PITPNB: variants seen among roughly 807,000 people sequenced by gnomAD.
PITPNB encodes the protein phosphatidylinositol transfer protein beta, also known as phosphatidylinositol transfer protein beta isoform.
In PITPNB, 16 loss-of-function variants were observed where a neutral mutation model predicts 45.9. The observed-to-expected ratio is 0.35, with a 90% CI of 0.24 to 0.53. The LOEUF (loss-of-function observed/expected upper bound fraction) is 0.53. Among genes scored for constraint, PITPNB ranks in the 20% least tolerant of loss-of-function variants. The pLI is 0.93. For missense variants in PITPNB, 188 were observed against 330.5 expected, an observed-to-expected ratio of 0.57 and a Z score of 3.34; for synonymous variants, 112 against 108.9, an observed-to-expected ratio of 1.03 and a Z score of -0.18.
rs182757315 is a variant in PITPNB, at chr22:27,877,060, T to C, written c.457-3245A>G. The stretch of plus-strand genomic sequence containing the variant: ...ATTTGCTATGCACTTTCTGTAATCC[T>C]TGGGGAAAAAAGAGAGCAAATTCAC... On this transcript the variant is annotated intron_variant, in intron 7 of 11. Coordinates refer to ENST00000335272, the MANE Select transcript of PITPNB (RefSeq NM_012399.5). 9.9e-4 allele frequency among the ~76,000 whole-genome samples: 151 copies of C among 152,304 alleles called. 1 individual carries two copies. The highest frequency in any genetic ancestry group is 3.5e-3 in the African/African-American group (144 of 41,568).
chr22:27,884,393 C>CT (rs1935058390), intron 7 of PITPNB, among the ~76,000 whole-genome samples: 1 of 152,196 alleles, frequency 6.6e-6, no homozygotes, highest in Non-Finnish European at 1.5e-5. Flanking sequence ...GAAATCTGAG[C>CT]TTTATCTTAG....
chr22:27,873,594 T>A (rs539045165), intron 8 of PITPNB, 144 bp downstream of exon 8: 37 of 601,450 alleles, frequency 6.2e-5, no homozygotes, highest in Non-Finnish European at 1.1e-4. Flanking sequence ...CAACTGCAAC[T>A]GGCTGTAAGT....
At chr22:27,912,450 T>C (rs1286963687) in intron 2 of PITPNB, among the ~76,000 whole-genome samples, 2 of 152,174 alleles carry the variant, frequency 1.3e-5, no homozygotes, top group African/African-American at 2.4e-5. Context: ...ACCTTCAACA[T>C]GTACTTTTAA....
At position 27,852,725 on chromosome 22, in the gene PITPNB, T is replaced by G. The variant is rs1934055705; in HGVS notation, c.*977A>C. 6.6e-6 allele frequency: 1 copy of G among 152,606 alleles called. No individual in the cohort carries two copies. Among genetic ancestry groups the G allele is most frequent in the Non-Finnish European group, 1.5e-5 (1 of 68,034 alleles). 9.5% of individuals were successfully genotyped at this position (152,606 alleles called of 1,614,324 possible). A position where few individuals can be genotyped will look rare whatever the true frequency, so the allele number is the denominator to read the frequency against. On this transcript the variant is annotated 3_prime_UTR_variant, in exon 12 of 12. Transcript: ENST00000335272. ...ATTTGCATAGTTTCCAAGCTGTAGT[T>G]ACAGAAAACTGTCATCTTCAAAACA...
intron 7 of PITPNB, among the ~76,000 whole-genome samples, chr22:27,884,285 C>T (rs1935054922): frequency 6.6e-6 from 1 of 152,144 alleles, no homozygotes; most frequent in South Asian, 2.1e-4. Flanking sequence ...GTAAATATGA[C>T]AGTGGAAATT....
At chr22:27,905,612 C>T (rs1935733339) in intron 3 of PITPNB, among the ~76,000 whole-genome samples, 1 of 152,324 alleles carries the variant, frequency 6.6e-6, no homozygotes, top group East Asian at 1.9e-4. Flanking sequence ...CTTGGAACCA[C>T]ATGAAATTTT....
At chr22:27,871,634 G>A (rs1263178502) in intron 8 of PITPNB, among the ~76,000 whole-genome samples, 1 of 152,160 alleles carries the variant, frequency 6.6e-6, no homozygotes, top group Admixed American at 6.5e-5. Flanking sequence ...TCTGGAAAAG[G>A]CTGGGGACAC....
intron 7 of PITPNB, among the ~76,000 whole-genome samples, chr22:27,893,185 C>A (rs1935330572): frequency 6.6e-6 from 1 of 152,150 alleles, no homozygotes; most frequent in African/African-American, 2.4e-5. Flanking sequence ...CTTGTATTTA[C>A]ACATGCTGTG....
intron 3 of PITPNB, among the ~76,000 whole-genome samples, chr22:27,902,795 T>C (rs1935639183): frequency 6.6e-6 from 1 of 152,206 alleles, no homozygotes; most frequent in East Asian, 1.9e-4. Flanking sequence ...CATAGATCAC[T>C]GCCACCTCTA....
At chr22:27,861,243 G>T (rs1035274680) in intron 8 of PITPNB, among the ~76,000 whole-genome samples, 1 of 152,036 alleles carries the variant, frequency 6.6e-6, no homozygotes, top group Non-Finnish European at 1.5e-5. Context: ...AGAGGTTGCA[G>T]TGAGCTGAGG....
At position 27,883,986 on chromosome 22, in the gene PITPNB, AAG is replaced by A. The variant is rs563522603; in HGVS notation, c.457-10173_457-10172del. ...GAGTGCCTGTGTCCTCTGGGGTATT[AAG>A]AAAAAAAATGTGACTAGTGAGTGGA... On this transcript the variant is annotated intron_variant, in intron 7 of 11. Transcript: ENST00000335272. Among the ~76,000 whole-genome samples the A allele has an allele frequency of 1.2e-4, 18 of 152,296 alleles. No individual in the cohort carries two copies. The South Asian group carries it at 3.7e-3, about 32-fold the overall frequency.
rs763605301 is a variant in PITPNB, at chr22:27,919,164, C to A, written c.20+8G>T. 2 of 1,613,938 alleles carry A rather than the reference C, an allele frequency of 1.2e-6. No individual in the cohort carries two copies. The highest frequency in any genetic ancestry group is 2.7e-5 in the African/African-American group (2 of 74,938). On this transcript the variant is annotated splice_region_variant and intron_variant, in intron 1 of 11. Transcript: ENST00000335272. Reference sequence around the variant, plus strand: ...CACGGCCTCGCTCGCGCCCACAGACCCACTCACAATTCCTTGATCAGCACC... The same window carrying A: ...CACGGCCTCGCTCGCGCCCACAGACACACTCACAATTCCTTGATCAGCACC...
Position 27,919,230 on chromosome 22 carries a change from G to T in PITPNB, c.-39C>A, listed in dbSNP as rs750183919. 3 of 1,432,326 alleles carry T rather than the reference G, an allele frequency of 2.1e-6. No individual in the cohort carries two copies. Among genetic ancestry groups the T allele is most frequent in the Non-Finnish European group, 2.9e-6 (3 of 1,021,332 alleles). 88.7% of individuals were successfully genotyped at this position (1,432,326 alleles called of 1,614,324 possible). A position where few individuals can be genotyped will look rare whatever the true frequency, so the allele number is the denominator to read the frequency against. ...CCTCACAGCTGCCGCCGATACCACC[G>T]CCGCCGCCGCCGCTACCGCCTCTCA... On this transcript the variant is annotated 5_prime_UTR_variant, in exon 1 of 12. Coordinates refer to ENST00000335272, the MANE Select transcript of PITPNB (RefSeq NM_012399.5).
chr22:27,865,211 T>C (rs966109376), intron 8 of PITPNB, among the ~76,000 whole-genome samples: 1 of 152,126 alleles, frequency 6.6e-6, no homozygotes, highest in African/African-American at 2.4e-5. Context: ...TCTAAAGAAG[T>C]TTTTTTGCCC....
chr22:27,898,024 T>C (rs958970848), intron 3 of PITPNB, 132 bp from the exon 4 acceptor site: 7 of 652,000 alleles, frequency 1.1e-5, no homozygotes, highest in Non-Finnish European at 2.0e-5. Context: ...TTTATTTCAA[T>C]CCTAAAGTAA....
At chr22:27,883,867 G>C (rs1053896005) in intron 7 of PITPNB, among the ~76,000 whole-genome samples, 1 of 152,160 alleles carries the variant, frequency 6.6e-6, no homozygotes, top group African/African-American at 2.4e-5. Flanking sequence ...GGGACAGGAC[G>C]GGGGAGGTGT....
intron 1 of PITPNB, 152 bp downstream of exon 1, chr22:27,919,020 G>A: frequency 1.8e-6 from 2 of 1,108,716 alleles, no homozygotes; most frequent in Non-Finnish European, 1.4e-6. Flanking sequence ...TCGCTGAGGG[G>A]CTTCGAAGGG....
At chr22:27,865,013 T>G (rs1341687581) in intron 8 of PITPNB, among the ~76,000 whole-genome samples, 1 of 151,568 alleles carries the variant, frequency 6.6e-6, no homozygotes, top group East Asian at 1.9e-4. Flanking sequence ...AAAAGGAGAA[T>G]TAATATAAAT....
In PITPNB at chr22:27,892,587, C is replaced by T. The variant is rs148514791; in HGVS notation, c.456+1968G>A. ...GCTCCAGGCTTGTAAGCTGTCCTGA[C>T]CTAGTCATTAACTAACTCACTCATT... On this transcript the variant is annotated intron_variant, in intron 7 of 11. Transcript: ENST00000335272. Among the ~76,000 whole-genome samples, 123 of 152,280 alleles carry T rather than the reference C, an allele frequency of 8.1e-4. 1 individual carries two copies. Among genetic ancestry groups the T allele is most frequent in the African/African-American group, 2.6e-3 (110 of 41,554 alleles).
Sources: gnomAD v4.1 joint callset for allele counts (sites outside exome capture counted in the v4.1 genomes callset) on GRCh38, gnomAD v4.1.1 for gene constraint, MANE v1.5 for transcripts, NCBI Gene and HGNC (gene_info 2026-07-23, HGNC 2026-07-21) for gene names.